BMPR1B: variants seen among roughly 807,000 people sequenced by gnomAD.
BMPR1B encodes bone morphogenetic protein receptor type-1B.
BMPR1B carries 12 observed loss-of-function variants against 59.1 expected under a neutral mutation model. That is an observed-to-expected ratio of 0.20 (90% CI 0.13 to 0.33). BMPR1B has a LOEUF of 0.33. BMPR1B is among the 10% of genes least tolerant of loss of function. The pLI is 1.00. For synonymous variants in BMPR1B, 237 were observed against 207.3 expected (o/e 1.14, Z -1.23); for missense variants, 550 against 610.9 (o/e 0.90, Z 1.05).
At chr4:94,827,419 A>G (rs995752411) in intron 1 of BMPR1B, among the ~76,000 whole-genome samples, 2 of 152,172 alleles carry the variant, frequency 1.3e-5, no homozygotes, top group African/African-American at 2.4e-5. Flanking sequence ...TATAAACTTT[A>G]TATATTTCTC....
At chr4:94,920,775 A>T (rs1209921210) in intron 2 of BMPR1B, among the ~76,000 whole-genome samples, 1 of 152,222 alleles carries the variant, frequency 6.6e-6, no homozygotes, top group East Asian at 1.9e-4. Context: ...GAGAAATTCA[A>T]ATCACAAATA....
intron 2 of BMPR1B, among the ~76,000 whole-genome samples, chr4:94,994,438 A>G (rs755538220): frequency 6.6e-6 from 1 of 152,186 alleles, no homozygotes; most frequent in Non-Finnish European, 1.5e-5. Flanking sequence ...CTCTTGGCTC[A>G]GATGCTCATT....
At chr4:94,891,499 G>A (rs906619711) in intron 2 of BMPR1B, among the ~76,000 whole-genome samples, 5 of 151,994 alleles carry the variant, frequency 3.3e-5, no homozygotes, top group African/African-American at 1.2e-4. Context: ...TATTATAGTG[G>A]CTTTCATCAT....
intron 2 of BMPR1B, among the ~76,000 whole-genome samples, chr4:94,954,319 T>G (rs578141530): frequency 3.9e-5 from 6 of 152,212 alleles, no homozygotes; most frequent in Non-Finnish European, 8.8e-5. Flanking sequence ...TATTTTCTAC[T>G]CATATACTTC....
At chr4:94,969,413 G>A (rs1286365086) in intron 2 of BMPR1B, among the ~76,000 whole-genome samples, 1 of 152,186 alleles carries the variant, frequency 6.6e-6, no homozygotes, top group African/African-American at 2.4e-5. Flanking sequence ...TGCTTGTTTA[G>A]AAGCCTGCAA....
chr4:94,857,853 GA>G (rs1412526366), intron 1 of BMPR1B, among the ~76,000 whole-genome samples: 1 of 152,180 alleles, frequency 6.6e-6, no homozygotes, highest in Admixed American at 6.5e-5. Context: ...TATCAGTTTA[GA>G]AAACAATGTG....
chr4:95,072,967 T>A (rs1010451078), intron 3 of BMPR1B, among the ~76,000 whole-genome samples: 7 of 152,182 alleles, frequency 4.6e-5, no homozygotes, highest in Admixed American at 4.6e-4. Flanking sequence ...ATTTGACCAA[T>A]ATGATATAGC....
chr4:94,962,737 A>G (rs887070514), intron 2 of BMPR1B, among the ~76,000 whole-genome samples: 2 of 152,182 alleles, frequency 1.3e-5, no homozygotes, highest in African/African-American at 4.8e-5. Flanking sequence ...GTTGATGGAC[A>G]CTTAGGTTGA....
chr4:94,777,853 C>CAACA (rs1722436072), intron 1 of BMPR1B, among the ~76,000 whole-genome samples: 2 of 151,896 alleles, frequency 1.3e-5, no homozygotes, highest in Non-Finnish European at 2.9e-5. Context: ...TGATGAAACC[C>CAACA]TGTCTCTACT....
intron 1 of BMPR1B, among the ~76,000 whole-genome samples, chr4:94,815,415 T>G (rs1263362680): frequency 6.6e-6 from 1 of 152,232 alleles, no homozygotes; most frequent in African/African-American, 2.4e-5. Flanking sequence ...TAACTCTCCT[T>G]TAATTTTACT....
chr4:94,782,250 T>C (rs1243523783), intron 1 of BMPR1B, among the ~76,000 whole-genome samples: 1 of 152,118 alleles, frequency 6.6e-6, no homozygotes, highest in Non-Finnish European at 1.5e-5. Flanking sequence ...TTCCTTCTTC[T>C]GTCAGTTGAA....
chr4:95,088,685 C>G (rs889009415), intron 3 of BMPR1B, among the ~76,000 whole-genome samples: 1 of 151,476 alleles, frequency 6.6e-6, no homozygotes, highest in Admixed American at 6.6e-5. Context: ...TTTTTTGTTT[C>G]CCAAGAAAGA....
intron 3 of BMPR1B, among the ~76,000 whole-genome samples, chr4:95,004,591 A>G (rs2149113904): frequency 6.6e-6 from 1 of 152,286 alleles, no homozygotes; most frequent in South Asian, 2.1e-4. Context: ...ATGGTTTTAT[A>G]TATTCCTCAG....
chr4:95,048,284 G>T (rs192270355), intron 3 of BMPR1B, among the ~76,000 whole-genome samples: 228 of 152,222 alleles, frequency 1.5e-3, no homozygotes, highest in African/African-American at 5.2e-3. Flanking sequence ...TTGGTAGAAT[G>T]ATTTATTTTC....
chr4:94,875,365 A>C (rs1397969809), intron 1 of BMPR1B, among the ~76,000 whole-genome samples: 1 of 152,162 alleles, frequency 6.6e-6, no homozygotes, highest in Non-Finnish European at 1.5e-5. Flanking sequence ...GATGTGCTTT[A>C]TTTTTAGTAC....
intron 1 of BMPR1B, among the ~76,000 whole-genome samples, chr4:94,848,129 G>A (rs1041554811): frequency 3.3e-5 from 5 of 152,156 alleles, no homozygotes; most frequent in African/African-American, 1.2e-4. Flanking sequence ...TAATACAGGT[G>A]TAGTATTGGT....
chr4:95,081,624 G>A (rs1373408428), intron 3 of BMPR1B, among the ~76,000 whole-genome samples: 1 of 152,128 alleles, frequency 6.6e-6, no homozygotes, highest in Non-Finnish European at 1.5e-5. Flanking sequence ...TAAAATACAA[G>A]ATGGACAGTA....
chr4:94,759,277 C>G (rs1721664658), intron 1 of BMPR1B, among the ~76,000 whole-genome samples: 1 of 152,176 alleles, frequency 6.6e-6, no homozygotes, highest in Admixed American at 6.5e-5. Flanking sequence ...GGAAGAGAGC[C>G]GTTTCACTAC....
At chr4:95,154,025 T>G (rs1428754546) in intron 12 of BMPR1B, among the ~76,000 whole-genome samples, 2 of 152,216 alleles carry the variant, frequency 1.3e-5, no homozygotes, top group African/African-American at 4.8e-5. Context: ...TGAGGATTTC[T>G]TATGAAGTGA....
Sources: gnomAD v4.1 joint callset for allele counts (sites outside exome capture counted in the v4.1 genomes callset) on GRCh38, gnomAD v4.1.1 for gene constraint, MANE v1.5 for transcripts, NCBI Gene and HGNC (gene_info 2026-07-23, HGNC 2026-07-21) for gene names.